The following ERCC1 variants were observed in gnomAD, a reference collection of about 807,000 sequenced individuals.
ERCC1 encodes DNA excision repair protein ERCC-1.
ERCC1 carries 36 observed loss-of-function variants against 37.6 expected under a neutral mutation model. That is an observed-to-expected ratio of 0.96 (90% CI 0.73 to 1.26). The LOEUF is 1.26. Among genes scored for constraint, ERCC1 ranks in the 50% most tolerant of loss-of-function variants. The pLI is 0.00. For missense variants in ERCC1, 349 were observed against 376.5 expected (o/e 0.93, Z 0.60); for synonymous variants, 156 against 162.1 (o/e 0.96, Z 0.28).
intron 1 of ERCC1, among the ~76,000 whole-genome samples, chr19:45,444,551 C>T (rs1004003763): frequency 3.9e-5 from 6 of 152,146 alleles, no homozygotes; most frequent in African/African-American, 1.4e-4. Flanking sequence ...CGGCCTTGGC[C>T]CCCAGAGGCC....
At position 45,409,669 on chromosome 19, in the gene ERCC1, G is replaced by A. The variant is rs1973566317; in HGVS notation, c.*6C>T. 1 of 1,222,492 alleles carries A rather than the reference G, an allele frequency of 8.2e-7. No individual in the cohort carries two copies. The highest frequency in any genetic ancestry group is 1.2e-6 in the Non-Finnish European group (1 of 823,076). 75.7% of individuals were successfully genotyped at this position (1,222,492 alleles called of 1,614,324 possible). A position where few individuals can be genotyped will look rare whatever the true frequency, so the allele number is the denominator to read the frequency against. ...ACACTGGGGGTTTCCTTGGCAGCTG[G>A]GGTCATCAGGGTACTTTCAAGAAGG... On this transcript the variant is annotated 3_prime_UTR_variant, in exon 10 of 10. Coordinates refer to ENST00000300853, the MANE Select transcript of ERCC1 (RefSeq NM_001983.4).
chr19:45,429,614 G>A (rs1036199359), intron 1 of ERCC1, among the ~76,000 whole-genome samples: 1 of 149,660 alleles, frequency 6.7e-6, no homozygotes, highest in African/African-American at 2.6e-5. Context: ...CAAAGGAATG[G>A]ACTCAGGGAC....
intron 1 of ERCC1, among the ~76,000 whole-genome samples, chr19:45,450,893 C>G (rs1460427572): frequency 4.0e-5 from 2 of 50,312 alleles, no homozygotes; most frequent in Non-Finnish European, 8.8e-5. Context: ...GCCCGCCCCC[C>G]CCCCCCCCCC....
At chr19:45,419,554 C>G in intron 4 of ERCC1, 1 of 342,518 alleles carries the variant, frequency 2.9e-6, no homozygotes, top group East Asian at 7.1e-5. Context: ...ACTGCCAAAC[C>G]ATCTGCTCTG....
rs2123436542 is a variant in ERCC1, at chr19:45,409,493, C to A, written c.*182G>T. Reference sequence around the variant, plus strand: ...GAAGCGGAAGCAGCAGCAGCAGCAGCCTGTGTAGTCTGCCCCCGGGAAACT... The same window carrying A: ...GAAGCGGAAGCAGCAGCAGCAGCAGACTGTGTAGTCTGCCCCCGGGAAACT... On this transcript the variant is annotated 3_prime_UTR_variant, in exon 10 of 10. Transcript: ENST00000300853. 1 of 1,607,080 alleles carries A rather than the reference C, an allele frequency of 6.2e-7. No individual in the cohort carries two copies. The highest frequency in any genetic ancestry group is 1.1e-5 in the South Asian group (1 of 90,296).
intron 1 of ERCC1, among the ~76,000 whole-genome samples, chr19:45,435,558 G>A (rs1319623213): frequency 6.6e-6 from 1 of 152,240 alleles, no homozygotes; most frequent in Admixed American, 6.6e-5. Flanking sequence ...AAACTCCTAG[G>A]CTCAAGCAAA....
chr19:45,434,206 T>C (rs73564941), intron 1 of ERCC1, among the ~76,000 whole-genome samples: 11,538 of 144,494 alleles, frequency 0.08, 1,476 homozygotes, highest in African/African-American at 0.28. Context: ...CCTGTCCATG[T>C]GCCCTGGCTC....
At chr19:45,448,822 A>G (rs560941705) in intron 1 of ERCC1, among the ~76,000 whole-genome samples, 2 of 152,190 alleles carry the variant, frequency 1.3e-5, no homozygotes, top group African/African-American at 4.8e-5. Context: ...TTTTCTTTTG[A>G]AGGAGACAAT....
chr19:45,415,679 C>G lies in ERCC1; in HGVS notation c.603-719G>C, dbSNP rs983323555. The G allele has an allele frequency of 3.9e-5, 13 of 331,038 alleles. No homozygotes were observed. In the Admixed American group the frequency reaches 4.8e-4, roughly 12 times the overall value. The allele number at this position is 331,038 out of a possible 1,614,324, so 20.5% of individuals were successfully genotyped here. On this transcript the variant is annotated intron_variant, in intron 6 of 9. Coordinates refer to ENST00000300853, the MANE Select transcript of ERCC1 (RefSeq NM_001983.4). ...AAAAACAATTGTGGTTGCTAAAAAT[C>G]AAAATTCCAGCCCATCCCCCGCCAA...
Position 45,414,976 on chromosome 19 carries a change from A to C in ERCC1, c.603-16T>G. On this transcript the variant is annotated splice_polypyrimidine_tract_variant and intron_variant, in intron 6 of 9. Coordinates refer to ENST00000300853, the MANE Select transcript of ERCC1 (RefSeq NM_001983.4). ...TTCCTCGGGGCTGGGATAACAGGAT[A>C]CAGGGCAGCCGGGAGGTGAGGTATC... The C allele has an allele frequency of 1.9e-6, 3 of 1,588,006 alleles. No homozygotes were observed. The highest frequency in any genetic ancestry group is 2.6e-6 in the Non-Finnish European group (3 of 1,156,484).
At chr19:45,421,421 G>C (rs755931761) in intron 2 of ERCC1, 28 bp from the exon 3 acceptor site, 1 of 1,553,656 alleles carries the variant, frequency 6.4e-7, no homozygotes, top group Admixed American at 1.7e-5. Flanking sequence ...GTTTGCAGGG[G>C]ACTGGTTGGG....
chr19:45,428,203 C>T (rs1345083916), upstream of ERCC1, among the ~76,000 whole-genome samples: 1 of 140,552 alleles, frequency 7.1e-6, no homozygotes, highest in Non-Finnish European at 1.5e-5. Flanking sequence ...CCCACATCAG[C>T]TTACCGAGTA....
At chr19:45,441,029 TA>T (rs1244827698) in intron 1 of ERCC1, among the ~76,000 whole-genome samples, 1 of 152,174 alleles carries the variant, frequency 6.6e-6, no homozygotes, top group African/African-American at 2.4e-5. Flanking sequence ...AGGCATGAGC[TA>T]CAGAGCCCGC....
At chr19:45,439,758 A>G (rs1975070594) in intron 1 of ERCC1, among the ~76,000 whole-genome samples, 1 of 151,858 alleles carries the variant, frequency 6.6e-6, no homozygotes, top group African/African-American at 2.4e-5. Flanking sequence ...GCGGGTGTGC[A>G]CGCGGGGTGT....
chr19:45,424,091 C>A (rs1336380932), upstream of ERCC1: 2 of 1,037,920 alleles, frequency 1.9e-6, no homozygotes, highest in East Asian at 5.8e-5. Context: ...TCTGTGTGCC[C>A]AGAATCCTGG....
chr19:45,430,655 G>A (rs931340828), intron 1 of ERCC1, among the ~76,000 whole-genome samples: 6 of 152,136 alleles, frequency 3.9e-5, no homozygotes, highest in Non-Finnish European at 5.9e-5. Context: ...GCTCATGCCT[G>A]TAATCCCAGC....
intron 1 of ERCC1, among the ~76,000 whole-genome samples, chr19:45,435,265 T>C (rs74777980): frequency 0.019 from 2,839 of 152,186 alleles, 68 homozygotes; most frequent in African/African-American, 0.064. Context: ...CACAGTAACA[T>C]TGATTCTCAC....
In ERCC1 at chr19:45,440,038, G is replaced by A. The variant is rs1975079956; in HGVS notation, c.-7-16657C>T. On this transcript the variant is annotated intron_variant, in intron 1 of 8. Coordinates refer to the ERCC1 transcript ENST00000423698. ...GAAGGGGGAGCGCGCGGGGGGAGCG[G>A]TGCTGGGCGCAGCCCGGCCGAGCAG... Among the ~76,000 whole-genome samples the A allele has an allele frequency of 2.0e-5, 3 of 152,132 alleles. No individual in the cohort carries two copies. The South Asian group carries it at 6.2e-4, about 31-fold the overall frequency.
At position 45,419,141 on chromosome 19, in the gene ERCC1, C is replaced by T. The variant is rs2123500957; in HGVS notation, c.482G>A (p.Gly161Glu). The T allele has an allele frequency of 6.3e-7, 1 of 1,596,288 alleles. No homozygotes were observed. The highest frequency in any genetic ancestry group is 2.3e-5 in the East Asian group (1 of 44,326). ...CAGGACCCGCAAGGCGAAGTTCTTC[C>T]CCAGGCTCTGCAGCCGCCCATGGAT... ...DYIHGRLQSL[G>E]KNFALRVLLV... The change falls in exon 5 of 10, where the codon GGG (glycine) becomes GAG (glutamate). Residue 161 changes from glycine to glutamate, a missense_variant. Transcript: ENST00000300853.
Sources: gnomAD v4.1 joint callset for allele counts (sites outside exome capture counted in the v4.1 genomes callset) on GRCh38, gnomAD v4.1.1 for gene constraint, MANE v1.5 for transcripts, NCBI Gene and HGNC (gene_info 2026-07-23, HGNC 2026-07-21) for gene names.